The following HPSE2 variants were observed in gnomAD, a reference collection of about 807,000 sequenced individuals.
HPSE2 encodes the protein inactive heparanase-2.
Under a neutral mutation model 60.5 loss-of-function variants are expected in HPSE2, and 38 were observed. The ratio of observed to expected loss-of-function variants is 0.63; its 90% confidence interval spans 0.48 to 0.82. The LOEUF (loss-of-function observed/expected upper bound fraction) is 0.82. Among genes scored for constraint, HPSE2 ranks in the 40% least tolerant of loss-of-function variants. HPSE2 has a pLI of 0.00. For synonymous variants in HPSE2, 295 were observed against 293.2 expected (o/e 1.01, Z -0.06); for missense variants, 713 against 740.4 (o/e 0.96, Z 0.43).
At chr10:98,855,697 C>T (rs2134753747) in intron 3 of HPSE2, among the ~76,000 whole-genome samples, 1 of 152,208 alleles carries the variant, frequency 6.6e-6, no homozygotes, top group Admixed American at 6.5e-5. Context: ...ACCTCTAAGA[C>T]CCAGAGACAC....
At chr10:98,936,750 G>A (rs1430363685) in intron 3 of HPSE2, among the ~76,000 whole-genome samples, 1 of 142,620 alleles carries the variant, frequency 7.0e-6, no homozygotes, top group African/African-American at 2.9e-5. Context: ...GGAGGCCGAG[G>A]TGGGTGGATT....
chr10:99,011,400 GT>G (rs201306370), intron 3 of HPSE2, among the ~76,000 whole-genome samples: 2 of 150,676 alleles, frequency 1.3e-5, no homozygotes, highest in South Asian at 4.2e-4. Context: ...CTGAAATTTA[GT>G]TTTTTTTTCT....
At position 98,807,387 on chromosome 10, in the gene HPSE2, A is replaced by G. The variant is rs190683359; in HGVS notation, c.611-63331T>C. On this transcript the variant is annotated intron_variant, in intron 3 of 11. Transcript: ENST00000370552. Reference sequence around the variant, plus strand: ...TAATTATGAAGATCTTACTCTTTAAATCAGACATCTAGCACTTTAATTTTC... The same window carrying G: ...TAATTATGAAGATCTTACTCTTTAAGTCAGACATCTAGCACTTTAATTTTC... Among the ~76,000 whole-genome samples, 5 of 152,370 alleles carry G rather than the reference A, an allele frequency of 3.3e-5. No homozygotes were observed. In the East Asian group the frequency reaches 7.7e-4, roughly 23 times the overall value.
At chr10:98,894,987 A>C (rs1953443002) in intron 3 of HPSE2, among the ~76,000 whole-genome samples, 1 of 152,110 alleles carries the variant, frequency 6.6e-6, no homozygotes. Flanking sequence ...ATGAGAAAAC[A>C]AATAACCATC....
intron 3 of HPSE2, among the ~76,000 whole-genome samples, chr10:98,911,964 A>C (rs1438813329): frequency 6.6e-6 from 1 of 152,232 alleles, no homozygotes; most frequent in Non-Finnish European, 1.5e-5. Flanking sequence ...TAAAATAAAA[A>C]TAATATTATC....
At chr10:99,032,025 T>C (rs935714310) in intron 3 of HPSE2, among the ~76,000 whole-genome samples, 6 of 152,212 alleles carry the variant, frequency 3.9e-5, no homozygotes, top group Admixed American at 2.6e-4. Flanking sequence ...TAGTTTTAGT[T>C]TGAATGTCTA....
chr10:99,269,591 C>G, the HPSE2 span, among the ~76,000 whole-genome samples: 3 of 151,952 alleles, frequency 2.0e-5, no homozygotes, highest in Admixed American at 2.0e-4. Flanking sequence ...TAAACTATAC[C>G]CTCGAGCAAA....
chr10:98,661,693 A>T (rs937342615), intron 6 of HPSE2, among the ~76,000 whole-genome samples: 7 of 152,198 alleles, frequency 4.6e-5, no homozygotes, highest in African/African-American at 1.7e-4. Context: ...AGCCTGTACC[A>T]TAATTTTTAT....
chr10:99,141,469 G>C (rs1185844708), intron 3 of HPSE2, among the ~76,000 whole-genome samples: 1 of 152,078 alleles, frequency 6.6e-6, no homozygotes, highest in Non-Finnish European at 1.5e-5. Context: ...ATTAAGACAA[G>C]TTTAAAACTA....
chr10:99,040,054 G>A (rs1957702362), intron 3 of HPSE2, among the ~76,000 whole-genome samples: 1 of 152,074 alleles, frequency 6.6e-6, no homozygotes, highest in Non-Finnish European at 1.5e-5. Context: ...ATAGATTATT[G>A]ATTACATACA....
the HPSE2 span, among the ~76,000 whole-genome samples, chr10:99,247,749 C>T: frequency 1.3e-5 from 2 of 152,166 alleles, no homozygotes; most frequent in African/African-American, 2.4e-5. Context: ...GAATTCTAAT[C>T]CCCAATGTTG....
At chr10:99,094,956 G>T (rs945180893) in intron 3 of HPSE2, among the ~76,000 whole-genome samples, 53 of 152,206 alleles carry the variant, frequency 3.5e-4, no homozygotes, top group African/African-American at 1.2e-3. Flanking sequence ...GGGAGGCCAA[G>T]GTGGGAGGAT....
intron 5 of HPSE2, among the ~76,000 whole-genome samples, chr10:98,705,905 C>A (rs1948535531): frequency 1.3e-5 from 2 of 152,086 alleles, no homozygotes; most frequent in African/African-American, 4.8e-5. Context: ...GCACTTGTAT[C>A]CTGGAACTTA....
intron 3 of HPSE2, among the ~76,000 whole-genome samples, chr10:99,064,678 T>C (rs1450562304): frequency 1.3e-5 from 2 of 151,686 alleles, no homozygotes; most frequent in African/African-American, 4.8e-5. Context: ...TTTAAAAGTT[T>C]TGCCAATTAT....
At chr10:98,629,198 C>G (rs1946295138) in intron 7 of HPSE2, among the ~76,000 whole-genome samples, 1 of 152,216 alleles carries the variant, frequency 6.6e-6, no homozygotes, top group South Asian at 2.1e-4. Flanking sequence ...GGCTAATCAG[C>G]CCTGGCAGGA....
chr10:98,811,171 T>C (rs1336499), intron 3 of HPSE2, among the ~76,000 whole-genome samples: 129,745 of 152,068 alleles, frequency 0.85, 55,732 homozygotes, highest in African/African-American at 0.95. Context: ...ATCCCAACTC[T>C]ACCATTTACA....
At chr10:99,055,795 T>C (rs1273080492) in intron 3 of HPSE2, among the ~76,000 whole-genome samples, 1 of 152,106 alleles carries the variant, frequency 6.6e-6, no homozygotes, top group African/African-American at 2.4e-5. Flanking sequence ...ACATAATGTA[T>C]CAAAATTTGT....
At chr10:98,924,958 T>C (rs1209966371) in intron 3 of HPSE2, among the ~76,000 whole-genome samples, 1 of 152,164 alleles carries the variant, frequency 6.6e-6, no homozygotes, top group Admixed American at 6.5e-5. Context: ...GCACAGGCAA[T>C]GGCTGAGCTC....
Position 99,142,971 on chromosome 10 carries a change from T to TAC in HPSE2, c.610+1265_610+1266dup, listed in dbSNP as rs200024249. ...TTACACACACACACGCACGTATTTA[T>TAC]ACACACACACACATGCACAAATACA... On this transcript the variant is annotated intron_variant, in intron 3 of 11. Transcript: ENST00000370552. Among the ~76,000 whole-genome samples the TAC allele has an allele frequency of 9.2e-5, 14 of 151,970 alleles. No individual in the cohort carries two copies. In the East Asian group the frequency reaches 1.2e-3, roughly 13 times the overall value.
Sources: gnomAD v4.1 joint callset for allele counts (sites outside exome capture counted in the v4.1 genomes callset) on GRCh38, gnomAD v4.1.1 for gene constraint, MANE v1.5 for transcripts, NCBI Gene and HGNC (gene_info 2026-07-23, HGNC 2026-07-21) for gene names.